PPP6R2: variants seen among roughly 807,000 people sequenced by gnomAD.
PPP6R2 encodes the protein protein phosphatase 6 regulatory subunit 2.
PPP6R2 carries 62 observed loss-of-function variants against 100.2 expected under a neutral mutation model. That is an observed-to-expected ratio of 0.62 (90% CI 0.50 to 0.76). The LOEUF is 0.76. Among genes scored for constraint, PPP6R2 ranks in the 30% least tolerant of loss-of-function variants. The pLI is 0.00. For missense variants in PPP6R2, 1,142 were observed against 1,276.3 expected, an observed-to-expected ratio of 0.89 and a Z score of 1.60; for synonymous variants, 525 against 514.7, an observed-to-expected ratio of 1.02 and a Z score of -0.27.
intron 1 of PPP6R2, among the ~76,000 whole-genome samples, chr22:50,368,943 C>T (rs1286074006): frequency 1.3e-5 from 2 of 152,162 alleles, no homozygotes; most frequent in Non-Finnish European, 2.9e-5. Context: ...GGCCCAAGAT[C>T]AAAAACATTT....
At position 50,444,323 on chromosome 22, in the gene PPP6R2, CTTTTT is replaced by C. The variant is rs59017944; in HGVS notation, c.*84_*88del. On this transcript the variant is annotated 3_prime_UTR_variant, in exon 24 of 24. Transcript: ENST00000612753. Reference sequence around the variant, plus strand: ...CGAGAAAACTACCTGGTGATGCAATCTTTTTTTTTTTTAATTTAATTTAATTTTAA... The same window carrying C: ...CGAGAAAACTACCTGGTGATGCAATCTTTTTTTAATTTAATTTAATTTTAA... 8 of 1,194,638 alleles carry C rather than the reference CTTTTT, an allele frequency of 6.7e-6. No homozygotes were observed. Among genetic ancestry groups the C allele is most frequent in the Admixed American group, 2.9e-5 (1 of 34,816 alleles). The allele number at this position is 1,194,638 out of a possible 1,614,324, so 74.0% of individuals were successfully genotyped here. A position where few individuals can be genotyped will look rare whatever the true frequency, so the allele number is the denominator to read the frequency against.
At chr22:50,369,658 C>T (rs7288680) in intron 1 of PPP6R2, among the ~76,000 whole-genome samples, 3,372 of 152,090 alleles carry the variant, frequency 0.022, 43 homozygotes, top group African/African-American at 0.04. Flanking sequence ...GGATTAGAGG[C>T]GTACGCCCGG....
intron 3 of PPP6R2, among the ~76,000 whole-genome samples, chr22:50,401,990 CA>C (rs2058124693): frequency 6.6e-6 from 1 of 152,176 alleles, no homozygotes; most frequent in Non-Finnish European, 1.5e-5. Context: ...ATAAAAGCTT[CA>C]AGTTCTCATT....
chr22:50,393,833 G>T (rs893397107), intron 2 of PPP6R2, 60 bp from the exon 3 acceptor site: 3 of 1,600,136 alleles, frequency 1.9e-6, no homozygotes, highest in African/African-American at 2.7e-5. Context: ...CTTGGGTCTA[G>T]TGTTGCTGAA....
chr22:50,355,229 C>CTT (rs1221685126), intron 1 of PPP6R2, among the ~76,000 whole-genome samples: 31 of 131,132 alleles, frequency 2.4e-4, no homozygotes, highest in East Asian at 7.1e-4. Flanking sequence ...AAGCAGCCTT[C>CTT]TTTTTTTTTT....
intron 10 of PPP6R2, among the ~76,000 whole-genome samples, chr22:50,425,620 A>G (rs1327833618): frequency 6.6e-6 from 1 of 152,200 alleles, no homozygotes; most frequent in African/African-American, 2.4e-5. Flanking sequence ...CTTCCTGTCA[A>G]CAAAGTCTCC....
chr22:50,356,155 G>A (rs1357280938), intron 1 of PPP6R2, among the ~76,000 whole-genome samples: 4 of 150,776 alleles, frequency 2.7e-5, no homozygotes, highest in East Asian at 2.0e-4. Flanking sequence ...TAGTAGAGAC[G>A]GGGTTTCACC....
upstream of PPP6R2, among the ~76,000 whole-genome samples, chr22:50,340,278 A>G (rs1418822718): frequency 0.01 from 364 of 35,800 alleles, no homozygotes; most frequent in Admixed American, 0.011. Context: ...TGTGTGTGGT[A>G]TGTGGTATGT....
At chr22:50,443,635 G>A (rs1022686571) in intron 22 of PPP6R2, 2 of 599,566 alleles carry the variant, frequency 3.3e-6, no homozygotes. Flanking sequence ...CCTGGAGGAG[G>A]TTTGAGGTCA....
chr22:50,427,778 T>C (rs2062425842), intron 10 of PPP6R2, among the ~76,000 whole-genome samples: 1 of 152,216 alleles, frequency 6.6e-6, no homozygotes, highest in African/African-American at 2.4e-5. Flanking sequence ...TGGAGTGCAG[T>C]GGCGCGATCT....
At chr22:50,381,827 G>T (rs1235081942) in intron 2 of PPP6R2, among the ~76,000 whole-genome samples, 2 of 151,280 alleles carry the variant, frequency 1.3e-5, no homozygotes, top group Non-Finnish European at 2.9e-5. Flanking sequence ...AGAATGGCGT[G>T]AACCCGGGAG....
intron 2 of PPP6R2, among the ~76,000 whole-genome samples, chr22:50,378,762 C>A (rs1445995200): frequency 6.6e-6 from 1 of 151,560 alleles, no homozygotes; most frequent in East Asian, 1.9e-4. Flanking sequence ...TGCCTGTAGA[C>A]CCACCTACTT....
Position 50,418,855 on chromosome 22 carries a change from T to C in PPP6R2, c.619-12T>C. ...CACACTGAGGGACTCTGTGTTTCCC[T>C]TGTCTTTTCAGAGGCAGTCAAATGC... is the stretch of plus-strand genomic sequence containing the variant. On this transcript the variant is annotated splice_polypyrimidine_tract_variant and intron_variant, in intron 6 of 23. Coordinates refer to ENST00000612753, the MANE Select transcript of PPP6R2 (RefSeq NM_001242898.2). 6.2e-7 allele frequency: 1 copy of C among 1,600,168 alleles called. No individual in the cohort carries two copies. The highest frequency in any genetic ancestry group is 8.6e-7 in the Non-Finnish European group (1 of 1,167,382).
intron 1 of PPP6R2, among the ~76,000 whole-genome samples, chr22:50,371,456 A>G (rs910006717): frequency 2.6e-5 from 4 of 152,040 alleles, no homozygotes; most frequent in African/African-American, 9.7e-5. Context: ...GTGAATAGCT[A>G]CTGCTCTCCA....
chr22:50,441,150 T>TC, intron 22 of PPP6R2, 124 bp downstream of exon 22: 1 of 877,336 alleles, frequency 1.1e-6, no homozygotes, highest in Non-Finnish European at 1.7e-6. Flanking sequence ...CCACACTGCC[T>TC]CCCCCATGGC....
chr22:50,440,166 G>A lies in PPP6R2; in HGVS notation c.2374+117G>A, dbSNP rs970040274. ...TGGCCGGGGCCTCGCATGCTGCTAC[G>A]TCTCTGGTGACATTGGGGTTTGATA... On this transcript the variant is annotated intron_variant, in intron 21 of 23. Coordinates refer to ENST00000612753, the MANE Select transcript of PPP6R2 (RefSeq NM_001242898.2). 6.0e-5 allele frequency: 55 copies of A among 912,568 alleles called. 1 individual carries two copies. The highest frequency in any genetic ancestry group is 6.0e-4 in the African/African-American group (36 of 59,974). The allele number at this position is 912,568 out of a possible 1,614,324, so 56.5% of individuals were successfully genotyped here.
chr22:50,376,056 C>CTTTCA (rs2051479028), intron 2 of PPP6R2, among the ~76,000 whole-genome samples: 1 of 151,574 alleles, frequency 6.6e-6, no homozygotes, highest in African/African-American at 2.4e-5. Flanking sequence ...TGGTCTTGAA[C>CTTTCA]TCCTGACCTC....
At chr22:50,362,614 A>G (rs544048832) in intron 1 of PPP6R2, among the ~76,000 whole-genome samples, 17 of 152,200 alleles carry the variant, frequency 1.1e-4, no homozygotes, top group East Asian at 3.9e-4. Context: ...CCAGATTCCT[A>G]TGTTGAAATC....
chr22:50,427,519 A>G (rs116486105), intron 10 of PPP6R2, among the ~76,000 whole-genome samples: 2,854 of 152,312 alleles, frequency 0.019, 46 homozygotes, highest in East Asian at 0.075. Context: ...TAAGTCTTCA[A>G]TCCATGAACA....
Sources: allele counts gnomAD v4.1 joint callset (sites outside exome capture counted in the v4.1 genomes callset), GRCh38; gene constraint gnomAD v4.1.1; transcripts MANE v1.5; gene names NCBI Gene and HGNC (gene_info 2026-07-23, HGNC 2026-07-21).